Variants in CACNA1H observed in about 807,000 individuals in gnomAD.
CACNA1H encodes voltage-dependent T-type calcium channel subunit alpha-1H.
CACNA1H carries 149 observed loss-of-function variants against 192.5 expected under a neutral mutation model. The ratio of observed to expected loss-of-function variants is 0.77; its 90% CI spans 0.68 to 0.89. The LOEUF (loss-of-function observed/expected upper bound fraction) is 0.89. Among genes scored for constraint, CACNA1H ranks in the 40% least tolerant of loss-of-function variants. CACNA1H has a pLI of 0.00. For missense variants in CACNA1H, 4,257 were observed against 3,423.5 expected, an observed-to-expected ratio of 1.24 and a Z score of -6.08; for synonymous variants, 2,202 against 1,475.2, an observed-to-expected ratio of 1.49 and a Z score of -11.29.
chr16:1,197,955 G>A (rs1596390547), intron 5 of CACNA1H, among the ~76,000 whole-genome samples: 3 of 152,218 alleles, frequency 2.0e-5, no homozygotes, highest in South Asian at 2.1e-4. Flanking sequence ...ACCCAGGACC[G>A]ATGGCTTCAG....
At chr16:1,216,787 A>C in intron 30 of CACNA1H, 145 bp from the exon 31 acceptor site, 1 of 630,820 alleles carries the variant, frequency 1.6e-6, no homozygotes, top group Non-Finnish European at 2.7e-6. Context: ...AGCTCTGGGA[A>C]CTTGCTTCCA....
chr16:1,168,203 CA>C (rs1355478945), intron 2 of CACNA1H, among the ~76,000 whole-genome samples: 1 of 151,806 alleles, frequency 6.6e-6, no homozygotes, highest in Non-Finnish European at 1.5e-5. Context: ...TCCCCCCCCC[CA>C]AGTGACAGTT....
chr16:1,195,986 G>A lies in CACNA1H; in HGVS notation c.606G>A (p.Arg202=), dbSNP rs1440467183. The change falls in exon 5 of 35, where the codon CGG becomes CGA. Residue 202 remains arginine (R), a synonymous_variant. Transcript: ENST00000348261. The part of the protein sequence containing the change: ...NVSLSAIRTV[R]VLRPLRAINR... Reference sequence around the variant, plus strand: ...GCCTCTCGGCTATCAGGACCGTGCGGGTGCTGCGGCCCCTCCGCGCCATCA... The same window carrying A: ...GCCTCTCGGCTATCAGGACCGTGCGAGTGCTGCGGCCCCTCCGCGCCATCA... 2.5e-6 allele frequency: 4 copies of A among 1,612,942 alleles called. No individual in the cohort carries two copies. Among genetic ancestry groups the A allele is most frequent in the Non-Finnish European group, 3.4e-6 (4 of 1,179,824 alleles).
intron 2 of CACNA1H, among the ~76,000 whole-genome samples, chr16:1,161,078 C>G (rs1026587580): frequency 3.9e-5 from 6 of 152,184 alleles, no homozygotes; most frequent in African/African-American, 1.2e-4. Context: ...AGTTGCACCC[C>G]CAGCCCTGCT....
At chr16:1,171,648 C>G (rs1363796028) in intron 2 of CACNA1H, among the ~76,000 whole-genome samples, 2 of 152,202 alleles carry the variant, frequency 1.3e-5, no homozygotes, top group African/African-American at 4.8e-5. Flanking sequence ...TTTGCCAAGG[C>G]CGCCTGGGGG....
At chr16:1,206,806 A>G in intron 12 of CACNA1H, 195 bp from the exon 13 acceptor site, 1 of 580,114 alleles carries the variant, frequency 1.7e-6, no homozygotes, top group Non-Finnish European at 3.1e-6. Context: ...AATGGACACT[A>G]CTGAGTTGTA....
At chr16:1,194,619 T>G (rs1966845337) in intron 2 of CACNA1H, among the ~76,000 whole-genome samples, 1 of 152,182 alleles carries the variant, frequency 6.6e-6, no homozygotes, top group Non-Finnish European at 1.5e-5. Flanking sequence ...GGGCCCCATG[T>G]GGGCAGCTAG....
chr16:1,204,493 GT>G, intron 10 of CACNA1H, 35 bp downstream of exon 10: 1 of 1,496,316 alleles, frequency 6.7e-7, no homozygotes, highest in Non-Finnish European at 9.0e-7. Context: ...TGGGCTCCCT[GT>G]CAGGCTTGCA....
At chr16:1,195,382 T>G (rs1966869693) in intron 3 of CACNA1H, 50 bp from the exon 4 acceptor site, 2 of 1,548,208 alleles carry the variant, frequency 1.3e-6, no homozygotes, top group African/African-American at 1.4e-5. Context: ...TTGGGGGTTG[T>G]GGGCTGAGCT....
In CACNA1H at chr16:1,210,343, ACCTCTCACCCGC is replaced by A; in HGVS notation, c.3846-24_3846-13del. The A allele has an allele frequency of 4.3e-6, 1 of 233,804 alleles. No individual in the cohort carries two copies. The highest frequency in any genetic ancestry group is 6.8e-6 in the Non-Finnish European group (1 of 147,698). The allele number at this position is 233,804 out of a possible 1,614,324, so 14.5% of individuals were successfully genotyped here. Reference sequence around the variant, plus strand: ...TCTGCCATCCACGCCGCCCCGCCCCACCTCTCACCCGCCCCCGCCCACCCAGGTTCCGCGTCT... The same window carrying A: ...TCTGCCATCCACGCCGCCCCGCCCCACCCCGCCCACCCAGGTTCCGCGTCT... On this transcript the variant is annotated splice_polypyrimidine_tract_variant and intron_variant, in intron 18 of 34. Coordinates refer to ENST00000348261, the MANE Select transcript of CACNA1H (RefSeq NM_021098.3).
rs147142971 is a variant in CACNA1H, at chr16:1,218,044, C to A, written c.5445+4C>A. 1.2e-5 allele frequency: 19 copies of A among 1,596,224 alleles called. No individual in the cohort carries two copies. The Admixed American group carries it at 3.3e-4, about 27-fold the overall frequency. On this transcript the variant is annotated splice_donor_region_variant and intron_variant, in intron 32 of 34. Coordinates refer to ENST00000348261, the MANE Select transcript of CACNA1H (RefSeq NM_021098.3). ...CAACTGGAACGGGATCATGAAGGTA[C>A]CCGCCGCGGCCATGCCTCTGGCACC...
In CACNA1H at chr16:1,211,483, C is replaced by T. The variant is rs370649884; in HGVS notation, c.4353C>T (p.Leu1451=). ...CGGTGACCGTCGCACCCCGTCAGCT[C>T]TTCAAAGGGAAGTTCTACTACTGCG... The part of the protein sequence containing the change: ...FIIFGILGVQ[L]FKGKFYYCEG... The change falls in exon 23 of 35, where the codon CTC becomes CTT. Residue 1451 remains leucine (L), a splice_region_variant and synonymous_variant. Transcript: ENST00000348261. 13 of 1,612,336 alleles carry T rather than the reference C, an allele frequency of 8.1e-6. No homozygotes were observed. The highest frequency in any genetic ancestry group is 1.1e-5 in the Non-Finnish European group (13 of 1,179,694).
chr16:1,161,163 C>T (rs1229559509), intron 2 of CACNA1H, among the ~76,000 whole-genome samples: 2 of 152,206 alleles, frequency 1.3e-5, no homozygotes, highest in African/African-American at 2.4e-5. Context: ...CTGCTGGACT[C>T]GTCTGACCCT....
At position 1,220,315 on chromosome 16, in the gene CACNA1H, G is replaced by A. The variant is rs772416042; in HGVS notation, c.6383G>A (p.Gly2128Asp). The A allele has an allele frequency of 4.3e-5, 67 of 1,560,108 alleles. No homozygotes were observed. Among genetic ancestry groups the A allele is most frequent in the Non-Finnish European group, 5.7e-5 (66 of 1,160,766 alleles). Residue 2128 changes from glycine to aspartate, a missense_variant, in exon 35 of 35, where the codon GGC (glycine) becomes GAC (aspartate). Physicochemically the swap from Gly to Asp is moderately conservative, Grantham distance 94 (BLOSUM62 -1). Coordinates refer to ENST00000348261, the MANE Select transcript of CACNA1H (RefSeq NM_021098.3). ...HGPEASPVAGGERDLRRLYSV... is the reference protein window; with the variant it reads ...HGPEASPVAGDERDLRRLYSV... Reference sequence around the variant, plus strand: ...CCCGAAGCCTCTCCGGTGGCCGGCGGCGAGCGGGACCTGCGCAGGCTCTAC... The same window carrying A: ...CCCGAAGCCTCTCCGGTGGCCGGCGACGAGCGGGACCTGCGCAGGCTCTAC...
chr16:1,179,385 C>G (rs75993275), intron 2 of CACNA1H, among the ~76,000 whole-genome samples: 1 of 152,130 alleles, frequency 6.6e-6, no homozygotes, highest in African/African-American at 2.4e-5. Flanking sequence ...CTCCTGCCCC[C>G]GCGAGGTTGG....
chr16:1,161,496 C>T (rs891970744), intron 2 of CACNA1H, among the ~76,000 whole-genome samples: 2 of 152,114 alleles, frequency 1.3e-5, no homozygotes, highest in Non-Finnish European at 2.9e-5. Context: ...CTTTAGTAGC[C>T]CCAGATGTTA....
intron 2 of CACNA1H, among the ~76,000 whole-genome samples, chr16:1,169,106 CA>C (rs1964099633): frequency 7.0e-6 from 1 of 143,464 alleles, no homozygotes; most frequent in Admixed American, 7.8e-5. Context: ...TTCCAGATAC[CA>C]GAACGCTGGG....
In CACNA1H at chr16:1,207,383, C is replaced by T. The variant is rs1242224134; in HGVS notation, c.3016C>T (p.Leu1006Phe). 5 of 1,613,328 alleles carry T rather than the reference C, an allele frequency of 3.1e-6. No homozygotes were observed. Among genetic ancestry groups the T allele is most frequent in the Non-Finnish European group, 4.2e-6 (5 of 1,179,834 alleles). ...VALMTFGNYV[L>F]FNLLVAILVE... The stretch of plus-strand genomic sequence containing the variant: ...CCTCATGACCTTCGGCAACTATGTG[C>T]TCTTCAACCTGCTGGTGGCCATCCT... The change falls in exon 14 of 35, where the codon CTC (leucine) becomes TTC (phenylalanine). Residue 1006 changes from leucine (L) to phenylalanine (F), a missense_variant. Transcript: ENST00000348261.
At chr16:1,169,472 C>A (rs556770466) in intron 2 of CACNA1H, among the ~76,000 whole-genome samples, 2 of 152,344 alleles carry the variant, frequency 1.3e-5, no homozygotes, top group African/African-American at 4.8e-5. Context: ...CCGCGACGTT[C>A]CCCCAAGAAG....
Sources: gnomAD v4.1 joint callset for allele counts (sites outside exome capture counted in the v4.1 genomes callset) on GRCh38, gnomAD v4.1.1 for gene constraint, MANE v1.5 for transcripts, NCBI Gene and HGNC (gene_info 2026-07-23, HGNC 2026-07-21) for gene names.